The following FER1L6 variants were observed in gnomAD, a reference collection of about 807,000 sequenced individuals.
The protein encoded by FER1L6 is fer-1 like family member 6.
In FER1L6, 177 loss-of-function variants were observed where a neutral mutation model predicts 219.2. That is an observed-to-expected ratio of 0.81 (90% CI 0.71 to 0.91). The LOEUF is 0.91. Ranked by LOEUF, FER1L6 falls within the 40% of genes least tolerant of loss-of-function variation. The pLI is 0.00. For synonymous variants in FER1L6, 768 were observed against 824.3 expected (o/e 0.93, Z 1.17); for missense variants, 2,153 against 2,259.9 (o/e 0.95, Z 0.96).
At chr8:124,091,647 A>G (rs1822034828) in intron 34 of FER1L6, 64 bp downstream of exon 34, 1 of 1,546,046 alleles carries the variant, frequency 6.5e-7, no homozygotes, top group African/African-American at 1.4e-5. Flanking sequence ...TTCTAGTGAT[A>G]TTTTTGGCTA....
intron 34 of FER1L6, among the ~76,000 whole-genome samples, chr8:124,094,445 T>G (rs1162091399): frequency 1.3e-5 from 2 of 152,088 alleles, no homozygotes; most frequent in Admixed American, 6.5e-5. Flanking sequence ...TCCTTACTTT[T>G]TTCTTTTTCG....
At chr8:124,076,591 T>C (rs940897820) in intron 32 of FER1L6, among the ~76,000 whole-genome samples, 1 of 152,210 alleles carries the variant, frequency 6.6e-6, no homozygotes, top group Admixed American at 6.5e-5. Flanking sequence ...CTTTTTCTTT[T>C]TTTGTGAACT....
chr8:123,879,348 A>G lies in FER1L6; in HGVS notation c.-8+27163A>G, dbSNP rs113363830. Among the ~76,000 whole-genome samples, 609 of 152,190 alleles carry G rather than the reference A, an allele frequency of 4.0e-3. 8 individuals are homozygous for G. In the East Asian group the frequency reaches 0.068, roughly 17 times the overall value. On this transcript the variant is annotated intron_variant, in intron 1 of 40. Coordinates refer to ENST00000522917, the MANE Select transcript of FER1L6 (RefSeq NM_001039112.2). ...TATTATTTTTATTTATTTTTTTGAG[A>G]TGGAATCTCACTCTGTTGACCAGGC...
intron 1 of FER1L6, among the ~76,000 whole-genome samples, chr8:123,856,349 T>TATATATA (rs71289618): frequency 1.4e-3 from 192 of 134,442 alleles, no homozygotes; most frequent in Non-Finnish European, 1.9e-3. Flanking sequence ...TATATATATA[T>TATATATA]TAGGGTCCAG....
intron 10 of FER1L6, among the ~76,000 whole-genome samples, chr8:123,978,208 G>C (rs749232690): frequency 3.9e-5 from 6 of 152,188 alleles, no homozygotes; most frequent in Admixed American, 1.3e-4. Context: ...GAGACATTTA[G>C]AGTAAATCAG....
Position 124,082,388 on chromosome 8 carries a change from A to G in FER1L6, c.4321A>G (p.Lys1441Glu), listed in dbSNP as rs1821592942. 6.2e-7 allele frequency: 1 copy of G among 1,614,042 alleles called. No individual in the cohort carries two copies. Among genetic ancestry groups the G allele is most frequent in the Admixed American group, 1.7e-5 (1 of 60,004 alleles). The stretch of plus-strand genomic sequence containing the variant: ...CACAGATGACCTTATTGGTGAGACC[A>G]AGATCGACCTGGAGAACCGCTTCTA... ...IGTDDLIGET[K>E]IDLENRFYSK... The change falls in exon 33 of 41, where the codon AAG becomes GAG. Residue 1441 changes from lysine to glutamate, a missense_variant. Coordinates refer to ENST00000522917, the MANE Select transcript of FER1L6 (RefSeq NM_001039112.2).
At chr8:123,897,896 A>G (rs933567791) in intron 1 of FER1L6, among the ~76,000 whole-genome samples, 1 of 152,170 alleles carries the variant, frequency 6.6e-6, no homozygotes, top group South Asian at 2.1e-4. Context: ...TGTCTCTGTC[A>G]TGACTACTCA....
intron 29 of FER1L6, among the ~76,000 whole-genome samples, chr8:124,070,038 CT>C (rs1821000158): frequency 6.6e-6 from 1 of 152,128 alleles, no homozygotes; most frequent in South Asian, 2.1e-4. Context: ...AATTTTCCAC[CT>C]GGAAATTTCA....
intron 1 of FER1L6, among the ~76,000 whole-genome samples, chr8:123,901,569 C>T (rs2129734851): frequency 6.6e-6 from 1 of 151,724 alleles, no homozygotes; most frequent in East Asian, 1.9e-4. Flanking sequence ...TCTTGTTTCT[C>T]TAGTTCCTTG....
chr8:124,119,126 T>G (rs1298573646), intron 40 of FER1L6, among the ~76,000 whole-genome samples, 182 bp downstream of exon 40: 1 of 152,156 alleles, frequency 6.6e-6, no homozygotes, highest in African/African-American at 2.4e-5. Context: ...ATAAGACATA[T>G]AAGACATAAA....
At chr8:123,998,373 ACTCTCTCTCTCTCTCTCT>A (rs746709688) in intron 12 of FER1L6, among the ~76,000 whole-genome samples, 2,116 of 32,512 alleles carry the variant, frequency 0.065, 78 homozygotes, top group East Asian at 0.21. Context: ...AAAGAGGGAA[ACTCTCTCTCTCTCTCTCT>A]CTCTCTCTCT....
intron 3 of FER1L6, among the ~76,000 whole-genome samples, chr8:123,965,687 T>G (rs1815504987): frequency 6.6e-6 from 1 of 152,226 alleles, no homozygotes; most frequent in Admixed American, 6.5e-5. Context: ...TCTCATTTTG[T>G]TTAAAATTTT....
At chr8:124,055,252 G>C (rs916241201) in intron 22 of FER1L6, among the ~76,000 whole-genome samples, 3 of 152,080 alleles carry the variant, frequency 2.0e-5, no homozygotes, top group Non-Finnish European at 2.9e-5. Context: ...CAGCCTAGGC[G>C]ATATGGCGAG....
intron 15 of FER1L6, among the ~76,000 whole-genome samples, chr8:124,014,664 T>C (rs1225678027): frequency 6.6e-6 from 1 of 152,214 alleles, no homozygotes; most frequent in East Asian, 1.9e-4. Context: ...AATTGTTTTC[T>C]GTGTCCCAAC....
Position 123,853,273 on chromosome 8 carries a change from G to C in FER1L6, c.-8+1088G>C, listed in dbSNP as rs1189678448. 6.6e-6 allele frequency among the ~76,000 whole-genome samples: 1 copy of C among 152,150 alleles called. No homozygotes were observed. Among genetic ancestry groups the C allele is most frequent in the East Asian group, 1.9e-4 (1 of 5,180 alleles). The stretch of plus-strand genomic sequence containing the variant: ...AGGTTCAAGTGAGTCTCGTGCCTCA[G>C]GCTCCAGAATAGCTGGGATTACAGG... On this transcript the variant is annotated intron_variant, in intron 1 of 40. Coordinates refer to ENST00000522917, the MANE Select transcript of FER1L6 (RefSeq NM_001039112.2). This position sits in a 1 kb window ranked among gnomAD's most constrained non-coding sequence, Gnocchi z 6.6.
chr8:124,060,184 C>T lies in FER1L6; in HGVS notation c.2879C>T (p.Pro960Leu). The T allele has an allele frequency of 6.2e-7, 1 of 1,613,704 alleles. No individual in the cohort carries two copies. The highest frequency in any genetic ancestry group is 8.5e-7 in the Non-Finnish European group (1 of 1,179,642). Residue 960 changes from proline to leucine, a missense_variant, in exon 23 of 41, where the codon CCT becomes CTT. Physicochemically the swap from Pro to Leu is moderately conservative, Grantham distance 98. Coordinates refer to ENST00000522917, the MANE Select transcript of FER1L6 (RefSeq NM_001039112.2). ...LLAVFELLQV[P>L]PSGLQGLPPV... The stretch of plus-strand genomic sequence containing the variant: ...CATACTTGCCTTGTGCGGTAGGTTC[C>T]TCCTTCTGGGCTGCAAGGCCTCCCA...
At chr8:124,114,328 C>CT (rs941174406) in intron 39 of FER1L6, among the ~76,000 whole-genome samples, 104 of 152,054 alleles carry the variant, frequency 6.8e-4, no homozygotes, top group African/African-American at 2.3e-3. Context: ...TTTTCCCTTG[C>CT]TTTTTTTGTT....
intron 32 of FER1L6, among the ~76,000 whole-genome samples, chr8:124,081,398 C>T (rs752338082): frequency 1.1e-4 from 17 of 151,914 alleles, no homozygotes; most frequent in Admixed American, 9.8e-4. Context: ...GAAGGAGCAC[C>T]GAGCTAGGAA....
chr8:123,976,316 C>T (rs974058380), intron 9 of FER1L6, among the ~76,000 whole-genome samples: 5 of 152,110 alleles, frequency 3.3e-5, no homozygotes, highest in Non-Finnish European at 7.4e-5. Flanking sequence ...GCCTGGCCAA[C>T]ATGGCAAAAC....
Sources: allele counts gnomAD v4.1 joint callset (sites outside exome capture counted in the v4.1 genomes callset), GRCh38; gene constraint gnomAD v4.1.1; non-coding constraint Gnocchi (gnomAD v3.1); transcripts MANE v1.5; gene names NCBI Gene and HGNC (gene_info 2026-07-23, HGNC 2026-07-21).